ARID1B: variants seen among roughly 807,000 people sequenced by gnomAD.
The protein encoded by ARID1B is AT-rich interactive domain-containing protein 1B.
A neutral mutation model predicts 212.3 loss-of-function variants in ARID1B; 30 were observed. That is an observed-to-expected ratio of 0.14 (90% CI 0.11 to 0.19). ARID1B has a LOEUF of 0.19. Ranked by LOEUF, ARID1B falls within the 10% of genes least tolerant of loss-of-function variation. ARID1B has a pLI of 1.00. For missense variants in ARID1B, 2,891 were observed against 3,204.0 expected (o/e 0.90, Z 2.36); for synonymous variants, 1,402 against 1,301.7 (o/e 1.08, Z -1.66).
At chr6:157,062,042 G>A (rs1440269354) in intron 4 of ARID1B, among the ~76,000 whole-genome samples, 3 of 152,168 alleles carry the variant, frequency 2.0e-5, no homozygotes, top group African/African-American at 7.2e-5. Flanking sequence ...CAGCCCATGC[G>A]TGCTGTCACT....
intron 5 of ARID1B, among the ~76,000 whole-genome samples, chr6:157,106,757 T>C (rs1786512146): frequency 6.6e-6 from 1 of 152,192 alleles, no homozygotes; most frequent in Non-Finnish European, 1.5e-5. Flanking sequence ...GTGTTACTCA[T>C]TGGAGGTTAC....
At position 157,184,279 on chromosome 6, in the gene ARID1B, G is replaced by A. The variant is rs1235667711; in HGVS notation, c.3763G>A (p.Gly1255Ser). ...TGAGCTGGCAACCAACCTAAACGTT[G>A]GCACCTCAAGCAGTGCAGCGAGCTC... ...WRELATNLNV[G>S]TSSSAASSLK... The change falls in exon 13 of 20, where the codon GGC (glycine) becomes AGC (serine). Residue 1255 changes from glycine (G) to serine (S), a missense_variant. Coordinates refer to ENST00000636930, the MANE Select transcript of ARID1B (RefSeq NM_001374828.1). 2 of 1,613,810 alleles carry A rather than the reference G, an allele frequency of 1.2e-6. No individual in the cohort carries two copies. Among genetic ancestry groups the A allele is most frequent in the Non-Finnish European group, 8.5e-7 (1 of 1,179,806 alleles).
At chr6:156,814,309 C>T (rs1031742514) in intron 1 of ARID1B, among the ~76,000 whole-genome samples, 2 of 151,988 alleles carry the variant, frequency 1.3e-5, no homozygotes, top group Non-Finnish European at 2.9e-5. Context: ...GTCCTAGCTA[C>T]TATGGGGGCT....
chr6:156,950,751 T>G (rs1175222985), intron 4 of ARID1B, among the ~76,000 whole-genome samples: 1 of 152,204 alleles, frequency 6.6e-6, no homozygotes, highest in Non-Finnish European at 1.5e-5. Context: ...GACTATGACT[T>G]TACCGTTGCA....
chr6:156,863,317 A>G (rs938623128), intron 2 of ARID1B, among the ~76,000 whole-genome samples: 14 of 152,164 alleles, frequency 9.2e-5, no homozygotes, highest in African/African-American at 3.4e-4. Context: ...CTAACGAGGC[A>G]GGACAGGGAA....
At chr6:156,923,056 A>G (rs1038783807) in intron 3 of ARID1B, among the ~76,000 whole-genome samples, 1 of 152,196 alleles carries the variant, frequency 6.6e-6, no homozygotes, top group Admixed American at 6.5e-5. Flanking sequence ...TGAAAAGCTG[A>G]TGATGATCTT....
chr6:156,789,662 A>C (rs1562386975), intron 1 of ARID1B, among the ~76,000 whole-genome samples: 1 of 152,212 alleles, frequency 6.6e-6, no homozygotes, highest in Non-Finnish European at 1.5e-5. Flanking sequence ...AATGAGAAAC[A>C]AACAGTGAAG....
chr6:157,018,241 C>T (rs367665377), intron 4 of ARID1B, among the ~76,000 whole-genome samples: 2 of 72,548 alleles, frequency 2.8e-5, no homozygotes, highest in African/African-American at 1.5e-4. Context: ...TTTTGAGATA[C>T]AGTCTTGCTC....
At chr6:157,098,447 G>A (rs769612099) in intron 5 of ARID1B, among the ~76,000 whole-genome samples, 2 of 152,164 alleles carry the variant, frequency 1.3e-5, no homozygotes, top group Non-Finnish European at 2.9e-5. Flanking sequence ...AGTAGACCTT[G>A]GAATTGTATG....
In ARID1B at chr6:156,778,349, G is replaced by A; in HGVS notation, c.669G>A (p.Leu223=). 8 of 1,540,002 alleles carry A rather than the reference G, an allele frequency of 5.2e-6. No individual in the cohort carries two copies. Among genetic ancestry groups the A allele is most frequent in the Non-Finnish European group, 7.0e-6 (8 of 1,145,886 alleles). Residue 223 remains leucine, a synonymous_variant, in exon 1 of 20, where the codon TTG becomes TTA. Coordinates refer to ENST00000636930, the MANE Select transcript of ARID1B (RefSeq NM_001374828.1). Reference sequence around the variant, plus strand: ...ATCCCATTTCCAACAACAACAGCTTGGGCGGCGCGGGCGGCGGCGCGCCTC... The same window carrying A: ...ATCCCATTTCCAACAACAACAGCTTAGGCGGCGCGGGCGGCGGCGCGCCTC... ...QQHPISNNNS[L]GGAGGGAPQP...
At chr6:157,080,660 T>C (rs1784581861) in intron 4 of ARID1B, among the ~76,000 whole-genome samples, 1 of 152,204 alleles carries the variant, frequency 6.6e-6, no homozygotes, top group African/African-American at 2.4e-5. Context: ...GTTTCTCTTG[T>C]CAAAGTCTGA....
intron 4 of ARID1B, among the ~76,000 whole-genome samples, chr6:156,976,059 T>C (rs1777223018): frequency 6.6e-6 from 1 of 151,608 alleles, no homozygotes; most frequent in South Asian, 2.1e-4. Context: ...TATCATAAAG[T>C]ACATAAGCGC....
At position 156,778,838 on chromosome 6, in the gene ARID1B, G is replaced by T. The variant is rs1229406006; in HGVS notation, c.1158G>T (p.Arg386=). Reference sequence around the variant, plus strand: ...GCAACCATTATCCGGGCTACAGCCGGCCCGGCGCGGGCGGCGGCGGCGGCG... The same window carrying T: ...GCAACCATTATCCGGGCTACAGCCGTCCCGGCGCGGGCGGCGGCGGCGGCG... ...SQCNHYPGYS[R]PGAGGGGGGG... The change falls in exon 1 of 20, where the codon CGG becomes CGT. Residue 386 remains arginine (R), a synonymous_variant. Transcript: ENST00000636930. 6.3e-6 allele frequency: 9 copies of T among 1,423,166 alleles called. No homozygotes were observed. Among genetic ancestry groups the T allele is most frequent in the African/African-American group, 1.5e-5 (1 of 65,658 alleles). 88.2% of individuals were successfully genotyped at this position (1,423,166 alleles called of 1,614,324 possible). A position where few individuals can be genotyped will look rare whatever the true frequency, so the allele number is the denominator to read the frequency against.
intron 4 of ARID1B, among the ~76,000 whole-genome samples, chr6:157,009,391 G>A (rs985127668): frequency 2.9e-4 from 44 of 152,200 alleles, no homozygotes; most frequent in African/African-American, 1.0e-3. Context: ...CTAGAGGCAG[G>A]GAGGCCAGTT....
At chr6:157,004,157 C>T (rs1160069165) in intron 4 of ARID1B, among the ~76,000 whole-genome samples, 1 of 152,094 alleles carries the variant, frequency 6.6e-6, no homozygotes, top group African/African-American at 2.4e-5. Context: ...CTCTCGTTCT[C>T]CCGAAACCCT....
intron 5 of ARID1B, among the ~76,000 whole-genome samples, chr6:157,105,694 C>T (rs1786418712): frequency 2.0e-5 from 3 of 152,118 alleles, no homozygotes; most frequent in African/African-American, 4.8e-5. Context: ...CTCCGCCTCC[C>T]GGGTTCAAGC....
intron 5 of ARID1B, among the ~76,000 whole-genome samples, chr6:157,108,791 G>A (rs1282730519): frequency 1.3e-5 from 2 of 152,158 alleles, no homozygotes. Context: ...GTTTGTCCAG[G>A]TCTTTTATCC....
At chr6:156,877,557 C>A (rs974384451) in intron 2 of ARID1B, among the ~76,000 whole-genome samples, 1 of 152,130 alleles carries the variant, frequency 6.6e-6, no homozygotes, top group East Asian at 1.9e-4. Context: ...TTGAATGTGT[C>A]CCCTGCTGAA....
intron 6 of ARID1B, among the ~76,000 whole-genome samples, chr6:157,118,049 G>T (rs9480440): frequency 0.5 from 75,952 of 152,066 alleles, 21,053 homozygotes; most frequent in African/African-American, 0.76. Context: ...AATTTTGAAA[G>T]TTTTTTACTG....
Sources: gnomAD v4.1 joint callset for allele counts (sites outside exome capture counted in the v4.1 genomes callset) on GRCh38, gnomAD v4.1.1 for gene constraint, MANE v1.5 for transcripts, NCBI Gene and HGNC (gene_info 2026-07-23, HGNC 2026-07-21) for gene names.